Variants in DIP2C observed in about 807,000 individuals in gnomAD.
DIP2C encodes DIP2 acetate--CoA ligase C (putative).
Under a neutral mutation model 192.4 loss-of-function variants are expected in DIP2C, and 33 were observed. The observed-to-expected ratio is 0.17, with a 90% confidence interval of 0.13 to 0.23. The LOEUF (loss-of-function observed/expected upper bound fraction) is 0.23. Ranked by LOEUF, DIP2C falls within the 10% of genes least tolerant of loss-of-function variation. The pLI is 1.00. For synonymous variants in DIP2C, 979 were observed against 864.1 expected, an observed-to-expected ratio of 1.13 and a Z score of -2.33; for missense variants, 1,537 against 2,110.1, an observed-to-expected ratio of 0.73 and a Z score of 5.32.
chr10:492,801 G>T (rs777017716), intron 1 of DIP2C, among the ~76,000 whole-genome samples: 1 of 152,188 alleles, frequency 6.6e-6, no homozygotes, highest in Non-Finnish European at 1.5e-5. Context: ...ACTCCAGTTA[G>T]AAAGGGGATT....
intron 17 of DIP2C, among the ~76,000 whole-genome samples, chr10:374,437 C>T (rs1023013130): frequency 2.8e-4 from 43 of 152,206 alleles, no homozygotes; most frequent in African/African-American, 1.0e-3. Context: ...ACCTATTCTG[C>T]ACAGCAACCC....
At chr10:546,468 G>T (rs979789659) in intron 1 of DIP2C, among the ~76,000 whole-genome samples, 1 of 152,128 alleles carries the variant, frequency 6.6e-6, no homozygotes, top group Non-Finnish European at 1.5e-5. Context: ...CTCCATCTGC[G>T]TTCAGTGGGC....
In DIP2C at chr10:393,715, G is replaced by A. The variant is rs940117557; in HGVS notation, c.1261-2852C>T. Among the ~76,000 whole-genome samples the A allele has an allele frequency of 2.2e-5, 3 of 137,424 alleles. No homozygotes were observed. In the South Asian group the frequency reaches 7.3e-4, roughly 34 times the overall value. The allele number at this position is 137,424 out of a possible 152,430, so 90.2% of individuals were successfully genotyped here. On this transcript the variant is annotated intron_variant, in intron 10 of 36. Transcript: ENST00000280886. ...AATAGCTTGAACCCGGGAAGCGGAG[G>A]TTGCAGTGAGCAGAGATTGCGTCAC...
At chr10:670,780 G>A (rs1240407271) in intron 1 of DIP2C, among the ~76,000 whole-genome samples, 2 of 152,194 alleles carry the variant, frequency 1.3e-5, no homozygotes, top group Non-Finnish European at 2.9e-5. Flanking sequence ...AATCACAGCT[G>A]TGAAAATGAA....
chr10:406,242 C>A (rs1468465166), intron 9 of DIP2C, among the ~76,000 whole-genome samples: 1 of 152,224 alleles, frequency 6.6e-6, no homozygotes, highest in Admixed American at 6.5e-5. Context: ...TGTGGTAACA[C>A]AAAATTTACG....
chr10:284,303 A>T (rs564539093), intron 34 of DIP2C, among the ~76,000 whole-genome samples: 1 of 152,212 alleles, frequency 6.6e-6, no homozygotes, highest in South Asian at 2.1e-4. Context: ...TGCACAACAA[A>T]TGAAAAAGTG....
At position 669,826 on chromosome 10, in the gene DIP2C, A is replaced by G. The variant is rs1251668434; in HGVS notation, c.85+19668T>C. Reference sequence around the variant, plus strand: ...GCTTAAACTAGTCATGTGATTTCCAATAAGTGGGAAACATTCATACCAATG... The same window carrying G: ...GCTTAAACTAGTCATGTGATTTCCAGTAAGTGGGAAACATTCATACCAATG... On this transcript the variant is annotated intron_variant, in intron 1 of 36. Coordinates refer to ENST00000280886, the MANE Select transcript of DIP2C (RefSeq NM_014974.3). 5.3e-5 allele frequency among the ~76,000 whole-genome samples: 8 copies of G among 152,238 alleles called. No homozygotes were observed. The East Asian group carries it at 5.8e-4, about 11-fold the overall frequency.
chr10:287,954 AGGACAGC>A (rs1245787606), intron 33 of DIP2C, among the ~76,000 whole-genome samples: 1 of 152,174 alleles, frequency 6.6e-6, no homozygotes, highest in Non-Finnish European at 1.5e-5. Context: ...ATTTCAGTGT[AGGACAGC>A]TTGGGAACCT....
At chr10:425,374 TACGGC>T (rs1966518096) in intron 4 of DIP2C, among the ~76,000 whole-genome samples, 1 of 136,276 alleles carries the variant, frequency 7.3e-6, no homozygotes, top group African/African-American at 2.9e-5. Flanking sequence ...ACACGGATGA[TACGGC>T]ATGACCAGCG....
intron 28 of DIP2C, 52 bp downstream of exon 28, chr10:344,757 A>G: frequency 2.0e-6 from 3 of 1,492,072 alleles, no homozygotes; most frequent in South Asian, 1.2e-5. Flanking sequence ...TGCCACCTCC[A>G]GCACGCTCCG....
At chr10:647,852 G>A (rs1202439866) in intron 1 of DIP2C, among the ~76,000 whole-genome samples, 1 of 150,180 alleles carries the variant, frequency 6.7e-6, no homozygotes, top group Admixed American at 6.6e-5. Flanking sequence ...ACATTTGACG[G>A]TGGGAGAGAA....
At chr10:408,409 C>T (rs992759623) in intron 9 of DIP2C, among the ~76,000 whole-genome samples, 2 of 152,104 alleles carry the variant, frequency 1.3e-5, no homozygotes, top group Non-Finnish European at 2.9e-5. Context: ...AGAGGCCAAA[C>T]GTGTTCAATA....
rs1564679970 is a variant in DIP2C at position 414,740 on chromosome 10, T to TGTGTG, written c.860-631_860-630insCACAC. On this transcript the variant is annotated intron_variant, in intron 7 of 36. Coordinates refer to ENST00000280886, the MANE Select transcript of DIP2C (RefSeq NM_014974.3). ...GTGTGTGTGTGTGTGTGTGTGTGTG[T>TGTGTG]ACATATATATATATATAATGTGTAT... Among the ~76,000 whole-genome samples the TGTGTG allele has an allele frequency of 5.3e-3, 237 of 44,650 alleles. 7 individuals carry two copies. Among genetic ancestry groups the TGTGTG allele is most frequent in the Non-Finnish European group, 7.4e-3 (145 of 19,620 alleles). 29.3% of individuals were successfully genotyped at this position (44,650 alleles called of 152,430 possible).
intron 19 of DIP2C, among the ~76,000 whole-genome samples, chr10:365,495 C>A (rs2132743898): frequency 6.6e-6 from 1 of 152,328 alleles, no homozygotes; most frequent in East Asian, 1.9e-4. Context: ...TGTGAACGTG[C>A]CACTGCCCTC....
At chr10:687,626 C>T (rs570351612) in intron 1 of DIP2C, among the ~76,000 whole-genome samples, 7 of 152,214 alleles carry the variant, frequency 4.6e-5, no homozygotes, top group African/African-American at 7.2e-5. Flanking sequence ...CCTGTACAGA[C>T]GCAAGGTGTT....
chr10:346,369 ATAT>A lies in DIP2C; in HGVS notation c.3232-1262_3232-1260del, dbSNP rs750724262. 6.6e-3 allele frequency among the ~76,000 whole-genome samples: 189 copies of A among 28,776 alleles called. 43 individuals are homozygous for A. The highest frequency in any genetic ancestry group is 0.011 in the Non-Finnish European group (158 of 15,030). The allele number at this position is 28,776 out of a possible 152,430, so 18.9% of individuals were successfully genotyped here. ...AACCCCACACTCACCCAACCCAGAC[ATAT>A]CGCGTATAGTTCTCCCGGAAACGTC... On this transcript the variant is annotated intron_variant, in intron 26 of 36. Transcript: ENST00000280886.
chr10:670,926 G>C (rs1830604046), intron 1 of DIP2C, among the ~76,000 whole-genome samples: 1 of 152,182 alleles, frequency 6.6e-6, no homozygotes, highest in African/African-American at 2.4e-5. Flanking sequence ...AGAGAGAAAT[G>C]ACCACACACA....
intron 33 of DIP2C, among the ~76,000 whole-genome samples, chr10:287,956 G>A (rs1955240409): frequency 6.6e-6 from 1 of 152,164 alleles, no homozygotes; most frequent in Admixed American, 6.5e-5. Flanking sequence ...TTCAGTGTAG[G>A]ACAGCTTGGG....
At chr10:460,868 C>G (rs1969717298) in intron 3 of DIP2C, among the ~76,000 whole-genome samples, 1 of 152,142 alleles carries the variant, frequency 6.6e-6, no homozygotes, top group African/African-American at 2.4e-5. Context: ...CTGCAGAAAC[C>G]CGACATGCCA....
Sources: allele counts gnomAD v4.1 joint callset (sites outside exome capture counted in the v4.1 genomes callset), GRCh38; gene constraint gnomAD v4.1.1; transcripts MANE v1.5; gene names NCBI Gene and HGNC (gene_info 2026-07-23, HGNC 2026-07-21).